The following SPOCK1 variants were observed in gnomAD, a reference collection of about 807,000 sequenced individuals.
SPOCK1 encodes testican-1.
Under a neutral mutation model 55.3 loss-of-function variants are expected in SPOCK1, and 23 were observed. The observed-to-expected ratio is 0.42, with a 90% confidence interval of 0.30 to 0.59. The LOEUF is 0.59. Ranked by LOEUF, SPOCK1 falls within the 20% of genes least tolerant of loss-of-function variation. The pLI is 0.22. For missense variants in SPOCK1, 499 were observed against 552.5 expected, an observed-to-expected ratio of 0.90 and a Z score of 0.97; for synonymous variants, 226 against 221.0, an observed-to-expected ratio of 1.02 and a Z score of -0.20.
chr5:137,420,835 C>T (rs1287460783), intron 2 of SPOCK1, among the ~76,000 whole-genome samples: 1 of 152,146 alleles, frequency 6.6e-6, no homozygotes, highest in African/African-American at 2.4e-5. Context: ...TTGCCTTCTG[C>T]TAGCTTTTGA....
At chr5:137,408,014 C>T (rs1752136734) in intron 2 of SPOCK1, among the ~76,000 whole-genome samples, 2 of 152,036 alleles carry the variant, frequency 1.3e-5, no homozygotes, top group African/African-American at 4.8e-5. Flanking sequence ...ACAGACCAAG[C>T]TCTGCACTAC....
At chr5:137,144,029 T>C (rs563218028) in intron 3 of SPOCK1, among the ~76,000 whole-genome samples, 150 of 152,126 alleles carry the variant, frequency 9.9e-4, no homozygotes, top group Non-Finnish European at 1.7e-3. Context: ...GAATGAGACT[T>C]ACTGGGTAAA....
intron 3 of SPOCK1, among the ~76,000 whole-genome samples, chr5:137,260,402 T>C (rs1756723187): frequency 6.6e-6 from 1 of 152,112 alleles, no homozygotes; most frequent in Non-Finnish European, 1.5e-5. Context: ...AAAAGTTACC[T>C]CAAAAGCAAT....
intron 2 of SPOCK1, among the ~76,000 whole-genome samples, chr5:137,324,792 GAA>G (rs11294825): frequency 7.1e-6 from 1 of 140,696 alleles, no homozygotes; most frequent in Admixed American, 7.1e-5. Flanking sequence ...CCACAATTAG[GAA>G]AAAAAAAAAG....
chr5:137,403,323 A>G (rs912322721), intron 2 of SPOCK1, among the ~76,000 whole-genome samples: 3 of 152,192 alleles, frequency 2.0e-5, no homozygotes, highest in Non-Finnish European at 2.9e-5. Flanking sequence ...TTAAGGGTTA[A>G]GCACCTGGAA....
intron 2 of SPOCK1, among the ~76,000 whole-genome samples, chr5:137,378,552 T>C (rs536343976): frequency 7.9e-5 from 12 of 152,326 alleles, no homozygotes; most frequent in Admixed American, 2.0e-4. Context: ...AGACCCTTCA[T>C]GGGAATGAGG....
intron 3 of SPOCK1, among the ~76,000 whole-genome samples, chr5:137,248,638 C>T (rs1263877477): frequency 6.6e-6 from 1 of 152,182 alleles, no homozygotes; most frequent in Non-Finnish European, 1.5e-5. Flanking sequence ...TGACCCTGGG[C>T]CTCTCTGAAC....
At chr5:137,203,427 T>C (rs930632524) in intron 3 of SPOCK1, among the ~76,000 whole-genome samples, 2 of 152,070 alleles carry the variant, frequency 1.3e-5, no homozygotes, top group African/African-American at 4.8e-5. Flanking sequence ...GTTAAAGACA[T>C]GTCACTCATC....
At chr5:137,353,868 A>C (rs1489769777) in intron 2 of SPOCK1, among the ~76,000 whole-genome samples, 1 of 152,042 alleles carries the variant, frequency 6.6e-6, no homozygotes, top group African/African-American at 2.4e-5. Context: ...GTAACACCTA[A>C]GTTTCCATTC....
intron 6 of SPOCK1, among the ~76,000 whole-genome samples, chr5:137,007,496 T>C (rs919734659): frequency 6.6e-6 from 1 of 152,134 alleles, no homozygotes; most frequent in Non-Finnish European, 1.5e-5. Context: ...AACAGACAGT[T>C]TTCAAAGGAA....
At chr5:137,243,473 T>G (rs1037771566) in intron 3 of SPOCK1, among the ~76,000 whole-genome samples, 1 of 152,208 alleles carries the variant, frequency 6.6e-6, no homozygotes, top group African/African-American at 2.4e-5. Flanking sequence ...AGTATTTAAA[T>G]GGGAACTGCT....
intron 2 of SPOCK1, among the ~76,000 whole-genome samples, chr5:137,433,619 C>T (rs773911103): frequency 7.2e-5 from 11 of 152,144 alleles, no homozygotes; most frequent in South Asian, 2.1e-4. Flanking sequence ...GCATAGCAAA[C>T]GGGCGAACAT....
At chr5:137,366,243 T>A (rs531248033) in intron 2 of SPOCK1, among the ~76,000 whole-genome samples, 2 of 152,178 alleles carry the variant, frequency 1.3e-5, no homozygotes, top group African/African-American at 4.8e-5. Flanking sequence ...GGATGTCACA[T>A]AGGAAACAAG....
At chr5:137,201,252 T>C (rs1334343401) in intron 3 of SPOCK1, among the ~76,000 whole-genome samples, 2 of 152,172 alleles carry the variant, frequency 1.3e-5, no homozygotes, top group Non-Finnish European at 2.9e-5. Flanking sequence ...AGGGGCTCCA[T>C]GGATGGAATG....
At chr5:137,492,145 C>A (rs557565140) in intron 2 of SPOCK1, among the ~76,000 whole-genome samples, 1 of 152,322 alleles carries the variant, frequency 6.6e-6, no homozygotes, top group Admixed American at 6.5e-5. Flanking sequence ...TGAAACCCCT[C>A]CACCACTCTA....
chr5:137,279,876 A>ATAAT (rs964029068), intron 2 of SPOCK1, among the ~76,000 whole-genome samples: 2 of 152,192 alleles, frequency 1.3e-5, no homozygotes, highest in Non-Finnish European at 2.9e-5. Context: ...ATTATGAAGC[A>ATAAT]TAATTAAAAC....
intron 6 of SPOCK1, among the ~76,000 whole-genome samples, chr5:137,066,784 A>G (rs1752512156): frequency 6.6e-6 from 1 of 152,156 alleles, no homozygotes; most frequent in South Asian, 2.1e-4. Context: ...TAAACCTCCT[A>G]AAGAGCCTTT....
rs1256333017 is a variant in SPOCK1 at position 137,266,263 on chromosome 5, T to G, written c.232+747A>C. ...TTGAGATGTGGTAGGTAATACTGTT[T>G]CATTGTGTTTTGGCATTAATTCCAT... On this transcript the variant is annotated intron_variant, in intron 3 of 10. Transcript: ENST00000394945. Among the ~76,000 whole-genome samples the G allele has an allele frequency of 4.6e-5, 7 of 152,354 alleles. No individual in the cohort carries two copies. In the East Asian group the frequency reaches 1.4e-3, roughly 29 times the overall value.
At chr5:137,058,947 T>C (rs1752346530) in intron 6 of SPOCK1, among the ~76,000 whole-genome samples, 1 of 152,200 alleles carries the variant, frequency 6.6e-6, no homozygotes, top group Non-Finnish European at 1.5e-5. Flanking sequence ...CAGAGCATGT[T>C]GCCTTGCAGG....
Sources: gnomAD v4.1 joint callset for allele counts (sites outside exome capture counted in the v4.1 genomes callset) on GRCh38, gnomAD v4.1.1 for gene constraint, MANE v1.5 for transcripts, NCBI Gene and HGNC (gene_info 2026-07-23, HGNC 2026-07-21) for gene names.